The following CDC16 variants were observed in gnomAD, a reference collection of about 807,000 sequenced individuals.
CDC16 encodes cell division cycle protein 16 homolog.
Under a neutral mutation model 87.0 loss-of-function variants are expected in CDC16, and 34 were observed. The ratio of observed to expected loss-of-function variants is 0.39; its 90% confidence interval spans 0.30 to 0.52. The LOEUF (loss-of-function observed/expected upper bound fraction) is 0.52. Among genes scored for constraint, CDC16 ranks in the 20% least tolerant of loss-of-function variants. The pLI is 0.74. For synonymous variants in CDC16, 263 were observed against 260.6 expected, an observed-to-expected ratio of 1.01 and a Z score of -0.09; for missense variants, 653 against 751.9, an observed-to-expected ratio of 0.87 and a Z score of 1.54.
At chr13:114,237,521 G>A (rs1489026833) in intron 3 of CDC16, among the ~76,000 whole-genome samples, 2 of 152,014 alleles carry the variant, frequency 1.3e-5, no homozygotes, top group African/African-American at 4.8e-5. Flanking sequence ...TGAACTCCTG[G>A]TCTCAAGCAG....
At chr13:114,240,527 A>T (rs548197149) in intron 5 of CDC16, among the ~76,000 whole-genome samples, 2 of 152,152 alleles carry the variant, frequency 1.3e-5, no homozygotes, top group South Asian at 2.1e-4. Flanking sequence ...TAAATTTTTT[A>T]AAAAATGTTT....
At chr13:114,248,407 G>A (rs945938947) in intron 11 of CDC16, among the ~76,000 whole-genome samples, 6 of 152,180 alleles carry the variant, frequency 3.9e-5, no homozygotes, top group African/African-American at 1.4e-4. Flanking sequence ...TCAGCCAGGC[G>A]TGGTGGCTCA....
intron 15 of CDC16, 141 bp downstream of exon 15, chr13:114,262,089 A>G: frequency 4.0e-6 from 2 of 502,380 alleles, no homozygotes; most frequent in Middle Eastern, 5.0e-4. Context: ...GCATCAAATC[A>G]GTTTTTATTA....
At position 114,252,670 on chromosome 13, in the gene CDC16, A is replaced by G. The variant is rs964435479; in HGVS notation, c.1097+1996A>G. ...AAAAAAAAAATCTCAATAATTCACT[A>G]TGAGTTGGTTTTTATGAGCATATGC... On this transcript the variant is annotated intron_variant, in intron 12 of 17. Transcript: ENST00000356221. Among the ~76,000 whole-genome samples the G allele has an allele frequency of 2.6e-5, 4 of 152,126 alleles. No individual in the cohort carries two copies. The East Asian group carries it at 7.7e-4, about 29-fold the overall frequency.
intron 5 of CDC16, among the ~76,000 whole-genome samples, chr13:114,241,581 T>C (rs12583345): frequency 0.011 from 1,748 of 152,326 alleles, 98 homozygotes; most frequent in Admixed American, 0.081. Context: ...ACATGTACTT[T>C]TGTTATAAAG....
At position 114,236,830 on chromosome 13, in the gene CDC16, G is replaced by A. The variant is rs8002514; in HGVS notation, c.135G>A (p.Gln45=). The stretch of plus-strand genomic sequence containing the variant: ...CCCAGGACATCTATTGGTTGGCTCA[G>A]TGTCTTTACCTGACAGCACAATATC... The part of the protein sequence containing the change: ...EEPQDIYWLA[Q]CLYLTAQYHR... Residue 45 remains glutamine (Q), a synonymous_variant, in exon 3 of 18, where the codon CAG becomes CAA. Coordinates refer to ENST00000356221, the MANE Select transcript of CDC16 (RefSeq NM_001078645.3). The A allele has an allele frequency of 0.25, 409,322 of 1,611,552 alleles. 56,107 individuals are homozygous for A. The highest frequency in any genetic ancestry group is 0.52 in the African/African-American group (38,771 of 74,768).
At chr13:114,270,194 T>C (rs1845912353) in intron 17 of CDC16, among the ~76,000 whole-genome samples, 2 of 152,166 alleles carry the variant, frequency 1.3e-5, no homozygotes, top group South Asian at 4.1e-4. Context: ...GGCATCTGCT[T>C]GGCTTCCGGG....
At chr13:114,241,155 G>A (rs2081532303) in intron 5 of CDC16, among the ~76,000 whole-genome samples, 1 of 152,296 alleles carries the variant, frequency 6.6e-6, no homozygotes, top group South Asian at 2.1e-4. Flanking sequence ...TCGTGAGATG[G>A]CTGTTGAACG....
chr13:114,256,382 A>G (rs1165707801), intron 12 of CDC16, among the ~76,000 whole-genome samples: 2 of 152,146 alleles, frequency 1.3e-5, no homozygotes, highest in East Asian at 3.8e-4. Context: ...TTGAGTTATG[A>G]CTCTAGATTA....
intron 11 of CDC16, among the ~76,000 whole-genome samples, chr13:114,250,264 G>T (rs2082094140): frequency 6.6e-6 from 1 of 152,142 alleles, no homozygotes; most frequent in African/African-American, 2.4e-5. Context: ...AGGCCAAGGT[G>T]GGTGGAGCAC....
chr13:114,248,224 G>T (rs984186543), intron 11 of CDC16, among the ~76,000 whole-genome samples: 5 of 152,220 alleles, frequency 3.3e-5, no homozygotes, highest in Non-Finnish European at 5.9e-5. Context: ...CTCTGTAAAT[G>T]TTCTAATTTC....
At chr13:114,236,590 T>G (rs2081262364) in intron 1 of CDC16, 55 bp from the exon 2 acceptor site, 4 of 1,504,368 alleles carry the variant, frequency 2.7e-6, no homozygotes, top group Non-Finnish European at 3.6e-6. Context: ...GATAACTGTT[T>G]AAGACTATTA....
At position 114,250,562 on chromosome 13, in the gene CDC16, C is replaced by G; in HGVS notation, c.985C>G (p.Leu329Val). 1.9e-6 allele frequency: 3 copies of G among 1,613,184 alleles called. No individual in the cohort carries two copies. The highest frequency in any genetic ancestry group is 2.5e-6 in the Non-Finnish European group (3 of 1,179,490). Residue 329 changes from leucine (L) to valine (V), a missense_variant, in exon 12 of 18, where the codon CTT (leucine) becomes GTT (valine). Transcript: ENST00000356221. ...ARRYLSKATT[L>V]EKTYGPAWIA... is the part of the protein sequence containing the mutation. ...CTTTTGTTTTAGCAAAGCCACAACA[C>G]TTGAGAAAACCTATGGACCTGCATG...
At chr13:114,269,940 G>A (rs539167375) in intron 17 of CDC16, among the ~76,000 whole-genome samples, 2 of 152,056 alleles carry the variant, frequency 1.3e-5, no homozygotes, top group African/African-American at 2.4e-5. Flanking sequence ...TCCTGACCTC[G>A]GGTGATCCGC....
rs777641032 is a variant in CDC16 at position 114,242,163 on chromosome 13, G to C, written c.424G>C (p.Ala142Pro). 1 of 1,613,664 alleles carries C rather than the reference G, an allele frequency of 6.2e-7. No homozygotes were observed. The highest frequency in any genetic ancestry group is 1.3e-5 in the African/African-American group (1 of 75,006). Reference sequence around the variant, plus strand: ...TCTTCTACGCGGGAAAATCTATGATGCTCTAGATAACCGAACCCTGGCTAC... The same window carrying C: ...TCTTCTACGCGGGAAAATCTATGATCCTCTAGATAACCGAACCCTGGCTAC... ...ICLLRGKIYDALDNRTLATYS... is the reference protein window; with the variant it reads ...ICLLRGKIYDPLDNRTLATYS... Residue 142 changes from alanine to proline, a missense_variant, in exon 6 of 18, where the codon GCT becomes CCT. Physicochemically the swap from Ala to Pro is conservative, Grantham distance 27. Coordinates refer to ENST00000356221, the MANE Select transcript of CDC16 (RefSeq NM_001078645.3).
chr13:114,272,071 T>G (rs1376678784), intron 17 of CDC16, 113 bp from the exon 18 acceptor site: 3 of 596,310 alleles, frequency 5.0e-6, no homozygotes, highest in African/African-American at 1.9e-5. Flanking sequence ...GTTTTGTATT[T>G]TATTCTAAAT....
chr13:114,250,536 T>C lies in CDC16; in HGVS notation c.972-13T>C. The C allele has an allele frequency of 6.2e-7, 1 of 1,601,272 alleles. No homozygotes were observed. Among genetic ancestry groups the C allele is most frequent in the Non-Finnish European group, 8.5e-7 (1 of 1,170,722 alleles). On this transcript the variant is annotated splice_polypyrimidine_tract_variant and intron_variant, in intron 11 of 17. Transcript: ENST00000356221. Reference sequence around the variant, plus strand: ...TAAATACTATATGACTTAAATTAACTCTTTTGTTTTAGCAAAGCCACAACA... The same window carrying C: ...TAAATACTATATGACTTAAATTAACCCTTTTGTTTTAGCAAAGCCACAACA...
At position 114,236,876 on chromosome 13, in the gene CDC16, C is replaced by T. The variant is rs1402148510; in HGVS notation, c.181C>T (p.Arg61Trp). The T allele has an allele frequency of 4.4e-6, 7 of 1,591,816 alleles. No homozygotes were observed. Among genetic ancestry groups the T allele is most frequent in the Non-Finnish European group, 6.0e-6 (7 of 1,172,896 alleles). Residue 61 changes from arginine to tryptophan, a missense_variant, in exon 3 of 18, where the codon CGG (arginine) becomes TGG (tryptophan). Arg to Trp is a moderately radical substitution (Grantham distance 101). Coordinates refer to ENST00000356221, the MANE Select transcript of CDC16 (RefSeq NM_001078645.3). ...AQYHRAAHAL[R>W]SRKLDKLYEA... The stretch of plus-strand genomic sequence containing the variant: ...ATATCACAGAGCCGCCCATGCACTT[C>T]GGTCACGAAAACTGGACAAAGTAAG...
chr13:114,256,654 A>G (rs912514995), intron 12 of CDC16, among the ~76,000 whole-genome samples: 2 of 152,240 alleles, frequency 1.3e-5, no homozygotes, highest in South Asian at 2.1e-4. Flanking sequence ...GAGAGCATTT[A>G]TGTTAGAAAA....
Sources: gnomAD v4.1 joint callset for allele counts (sites outside exome capture counted in the v4.1 genomes callset) on GRCh38, gnomAD v4.1.1 for gene constraint, MANE v1.5 for transcripts, NCBI Gene and HGNC (gene_info 2026-07-23, HGNC 2026-07-21) for gene names.